Variants in EYS observed in about 807,000 individuals in gnomAD.
The protein encoded by EYS is EGF-like photoreceptor maintenance factor.
EYS carries 250 observed loss-of-function variants against 282.1 expected under a neutral mutation model. The observed-to-expected ratio is 0.89, with a 90% confidence interval of 0.80 to 0.98. The LOEUF is 0.98. EYS is among the 50% of genes least tolerant of loss of function. The probability of loss-of-function intolerance (pLI) is 0.00; values close to 1 mark genes in which losing one functional copy is unlikely to be tolerated. For missense variants in EYS, 4,016 were observed against 3,709.0 expected (o/e 1.08, Z -2.15); for synonymous variants, 1,355 against 1,282.9 (o/e 1.06, Z -1.20).
At position 64,222,368 on chromosome 6, in the gene EYS, ACACG is replaced by A. The variant is rs1305856754; in HGVS notation, c.6424+8220_6424+8223del. Among the ~76,000 whole-genome samples the A allele has an allele frequency of 1.0e-3, 157 of 152,216 alleles. 1 individual carries two copies. Among genetic ancestry groups the A allele is most frequent in the African/African-American group, 3.4e-3 (143 of 41,574 alleles). On this transcript the variant is annotated intron_variant, in intron 31 of 42. Coordinates refer to ENST00000503581, the MANE Select transcript of EYS (RefSeq NM_001142800.2). ...TCTGAAAATGAATTTCCCAGAGACC[ACACG>A]TTTTGTTCTTAATTATCTCTGCTCA...
chr6:65,086,282 C>CT (rs1248836367), intron 12 of EYS, among the ~76,000 whole-genome samples: 1 of 151,906 alleles, frequency 6.6e-6, no homozygotes, highest in Admixed American at 6.6e-5. Flanking sequence ...TGCCATTGCA[C>CT]TCCAGCCTAA....
intron 26 of EYS, among the ~76,000 whole-genome samples, chr6:64,456,743 A>G (rs1460503916): frequency 2.0e-5 from 3 of 152,054 alleles, no homozygotes; most frequent in Non-Finnish European, 2.9e-5. Flanking sequence ...TGGCATTACC[A>G]TATTAAACAG....
chr6:65,040,488 TCTC>T (rs1772901053), intron 13 of EYS, among the ~76,000 whole-genome samples: 1 of 151,700 alleles, frequency 6.6e-6, no homozygotes, highest in South Asian at 2.1e-4. Flanking sequence ...AAGTATGACT[TCTC>T]CTTAACTAAT....
At chr6:65,564,018 A>C (rs1769167500) in intron 2 of EYS, among the ~76,000 whole-genome samples, 1 of 152,172 alleles carries the variant, frequency 6.6e-6, no homozygotes, top group Non-Finnish European at 1.5e-5. Context: ...ACTCCCATTC[A>C]CAATTGCTAC....
chr6:64,438,407 T>G (rs1476060710), intron 27 of EYS, among the ~76,000 whole-genome samples: 2 of 151,776 alleles, frequency 1.3e-5, no homozygotes, highest in African/African-American at 4.8e-5. Context: ...ATGTAGCCTC[T>G]GGAAAACTCT....
At chr6:64,514,298 G>C (rs902586134) in intron 26 of EYS, among the ~76,000 whole-genome samples, 6 of 151,796 alleles carry the variant, frequency 4.0e-5, no homozygotes, top group African/African-American at 1.4e-4. Flanking sequence ...AAATCATTAG[G>C]ATATTAGTTA....
chr6:64,419,119 C>T (rs554951281), intron 28 of EYS, among the ~76,000 whole-genome samples: 142 of 152,294 alleles, frequency 9.3e-4, no homozygotes, highest in Non-Finnish European at 1.9e-3. Flanking sequence ...CCCACAAATC[C>T]TCTCTATAGA....
chr6:64,610,689 C>T (rs1173314918), intron 24 of EYS, among the ~76,000 whole-genome samples: 6 of 152,138 alleles, frequency 3.9e-5, no homozygotes, highest in African/African-American at 1.4e-4. Flanking sequence ...CAGGCATGAG[C>T]CACTGCAACA....
chr6:63,848,159 A>G (rs1276528495), intron 36 of EYS, among the ~76,000 whole-genome samples: 1 of 152,106 alleles, frequency 6.6e-6, no homozygotes, highest in Non-Finnish European at 1.5e-5. Flanking sequence ...TAAAACATAC[A>G]TGCATGTTTA....
At chr6:65,289,274 T>C (rs1262428058) in intron 12 of EYS, among the ~76,000 whole-genome samples, 1 of 151,094 alleles carries the variant, frequency 6.6e-6, no homozygotes, top group African/African-American at 2.4e-5. Flanking sequence ...TTGAAACTTA[T>C]TAAAACCAAC....
At chr6:65,024,754 T>A (rs1316685137) in intron 13 of EYS, among the ~76,000 whole-genome samples, 1 of 152,204 alleles carries the variant, frequency 6.6e-6, no homozygotes, top group Non-Finnish European at 1.5e-5. Context: ...TTTAAAAAAA[T>A]CCCAAATATT....
chr6:65,556,745 T>G (rs559272993), intron 2 of EYS, among the ~76,000 whole-genome samples: 2 of 152,266 alleles, frequency 1.3e-5, no homozygotes, highest in African/African-American at 4.8e-5. Context: ...TTTTTTCAGG[T>G]GTACCTTGAC....
At chr6:64,379,990 G>C (rs1395804188) in intron 29 of EYS, among the ~76,000 whole-genome samples, 4 of 152,060 alleles carry the variant, frequency 2.6e-5, no homozygotes, top group Admixed American at 2.6e-4. Flanking sequence ...CTAAAAATCA[G>C]GTGTCCTTGT....
intron 14 of EYS, among the ~76,000 whole-genome samples, chr6:64,980,778 C>T (rs1770634911): frequency 1.3e-5 from 2 of 151,226 alleles, no homozygotes; most frequent in South Asian, 4.1e-4. Context: ...TCTCACCAGG[C>T]CTAAGACTTT....
intron 33 of EYS, among the ~76,000 whole-genome samples, chr6:64,009,535 C>T (rs1014817981): frequency 2.0e-5 from 3 of 152,108 alleles, no homozygotes; most frequent in African/African-American, 2.4e-5. Flanking sequence ...CTGCCCACCT[C>T]GGCCTCCGAA....
At chr6:64,560,227 T>C (rs1765353038) in intron 26 of EYS, among the ~76,000 whole-genome samples, 1 of 151,892 alleles carries the variant, frequency 6.6e-6, no homozygotes, top group Non-Finnish European at 1.5e-5. Flanking sequence ...TAAATTTAAC[T>C]TTATGACTAA....
intron 12 of EYS, among the ~76,000 whole-genome samples, chr6:65,250,548 C>A (rs1767294332): frequency 6.6e-6 from 1 of 151,974 alleles, no homozygotes; most frequent in Non-Finnish European, 1.5e-5. Context: ...ATAAAGCTGA[C>A]TTCCAAGGTC....
intron 12 of EYS, among the ~76,000 whole-genome samples, chr6:65,077,992 T>C (rs1360279657): frequency 6.6e-6 from 1 of 152,134 alleles, no homozygotes; most frequent in African/African-American, 2.4e-5. Context: ...CAGAAAATTA[T>C]GCCATCAGAA....
rs1310744426 is a variant in EYS, at chr6:65,495,195, T to C, written c.216A>G (p.Gln72=). The part of the protein sequence containing the change: ...VNTKIDTSGN[Q]AVPQICPLQI... ...GCAAAGGGCAAATCTGGGGAACAGC[T>C]TGATTGCCTGAAGTATCTATTTTAG... The change falls in exon 4 of 43, where the codon CAA becomes CAG. Residue 72 remains glutamine, a synonymous_variant. Coordinates refer to ENST00000503581, the MANE Select transcript of EYS (RefSeq NM_001142800.2). The C allele has an allele frequency of 1.2e-6, 2 of 1,614,154 alleles. No individual in the cohort carries two copies. The highest frequency in any genetic ancestry group is 1.1e-5 in the South Asian group (1 of 91,084).
Sources: allele counts gnomAD v4.1 joint callset (sites outside exome capture counted in the v4.1 genomes callset), GRCh38; gene constraint gnomAD v4.1.1; transcripts MANE v1.5; gene names NCBI Gene and HGNC (gene_info 2026-07-23, HGNC 2026-07-21).